The following SPON1 variants were observed in gnomAD, a reference collection of about 807,000 sequenced individuals.
The protein encoded by SPON1 is spondin 1.
Under a neutral mutation model 111.7 loss-of-function variants are expected in SPON1, and 52 were observed. The ratio of observed to expected loss-of-function variants is 0.47; its 90% CI spans 0.37 to 0.59. The LOEUF (loss-of-function observed/expected upper bound fraction) is 0.59. SPON1 is among the 20% of genes least tolerant of loss of function. The pLI is 0.00. For synonymous variants in SPON1, 410 were observed against 395.8 expected, an observed-to-expected ratio of 1.04 and a Z score of -0.43; for missense variants, 957 against 1,068.5, an observed-to-expected ratio of 0.90 and a Z score of 1.46.
chr11:13,977,760 C>T (rs1848113728), intron 1 of SPON1, among the ~76,000 whole-genome samples: 1 of 152,136 alleles, frequency 6.6e-6, no homozygotes, highest in Admixed American at 6.6e-5. Flanking sequence ...ACTCCAAGGT[C>T]ATTCGCATTT....
At chr11:14,112,008 A>G (rs1338621167) in intron 5 of SPON1, among the ~76,000 whole-genome samples, 5 of 151,960 alleles carry the variant, frequency 3.3e-5, no homozygotes, top group African/African-American at 1.2e-4. Flanking sequence ...CTTTTGTGCC[A>G]GAGACACCGA....
At chr11:14,163,187 A>G (rs1447582705) in intron 6 of SPON1, among the ~76,000 whole-genome samples, 1 of 152,212 alleles carries the variant, frequency 6.6e-6, no homozygotes, top group African/African-American at 2.4e-5. Context: ...AACACTTTAC[A>G]TGAATGTCAT....
chr11:14,145,743 T>C (rs12787708), intron 6 of SPON1, among the ~76,000 whole-genome samples: 59,364 of 152,018 alleles, frequency 0.39, 11,832 homozygotes, highest in East Asian at 0.55. Flanking sequence ...ATATTCATTA[T>C]AGTATTTTAT....
chr11:14,018,940 G>A (rs1424823522), intron 2 of SPON1, among the ~76,000 whole-genome samples: 3 of 152,174 alleles, frequency 2.0e-5, no homozygotes, highest in African/African-American at 4.8e-5. Flanking sequence ...GCCAGGCATC[G>A]CAGAATAGTT....
At chr11:14,153,632 G>T (rs1356550608) in intron 6 of SPON1, among the ~76,000 whole-genome samples, 1 of 152,040 alleles carries the variant, frequency 6.6e-6, no homozygotes, top group African/African-American at 2.4e-5. Context: ...ATATCATTCT[G>T]CCCCTGGCCC....
chr11:14,050,788 AG>A (rs1396124998), intron 3 of SPON1, among the ~76,000 whole-genome samples: 14 of 152,212 alleles, frequency 9.2e-5, no homozygotes, highest in African/African-American at 3.1e-4. Context: ...CAGTGTGCCC[AG>A]GGTAAACCGG....
At chr11:14,202,995 T>C (rs995825307) in intron 6 of SPON1, among the ~76,000 whole-genome samples, 1 of 152,098 alleles carries the variant, frequency 6.6e-6, no homozygotes, top group East Asian at 1.9e-4. Flanking sequence ...GCCAAAAAGA[T>C]AAATGCCAGA....
At chr11:14,064,735 G>A (rs1426385654) in intron 3 of SPON1, among the ~76,000 whole-genome samples, 1 of 152,108 alleles carries the variant, frequency 6.6e-6, no homozygotes, top group Non-Finnish European at 1.5e-5. Flanking sequence ...ATGAAGAGGT[G>A]ATGATCAGTC....
chr11:13,985,143 C>G (rs1488770072), intron 2 of SPON1, among the ~76,000 whole-genome samples: 2 of 152,210 alleles, frequency 1.3e-5, no homozygotes, highest in Non-Finnish European at 2.9e-5. Flanking sequence ...GAATCTGATG[C>G]ATGCTCAGAT....
At chr11:14,042,406 T>C (rs1554917382) in intron 3 of SPON1, among the ~76,000 whole-genome samples, 2 of 147,174 alleles carry the variant, frequency 1.4e-5, no homozygotes, top group Non-Finnish European at 1.5e-5. Context: ...AAAAAAAAAA[T>C]CTGTTTAATT....
intron 15 of SPON1, 69 bp from the exon 16 acceptor site, chr11:14,265,455 C>T (rs1472683028): frequency 3.6e-5 from 55 of 1,507,806 alleles, no homozygotes; most frequent in Non-Finnish European, 4.8e-5. Flanking sequence ...TTTCACAGTT[C>T]TACTAGAGTT....
intron 2 of SPON1, among the ~76,000 whole-genome samples, chr11:14,030,073 C>T (rs1848547089): frequency 6.6e-6 from 1 of 152,190 alleles, no homozygotes; most frequent in Non-Finnish European, 1.5e-5. Context: ...TTCCAGGCCT[C>T]TTAGTTGCTG....
chr11:14,022,341 G>A (rs975570043), intron 2 of SPON1, among the ~76,000 whole-genome samples: 4 of 152,192 alleles, frequency 2.6e-5, no homozygotes, highest in East Asian at 1.9e-4. Flanking sequence ...TGGAGGATTC[G>A]AATGTGCTTC....
chr11:14,070,250 GAAATTTTA>G, intron 3 of SPON1, among the ~76,000 whole-genome samples: 1 of 152,278 alleles, frequency 6.6e-6, no homozygotes, highest in East Asian at 1.9e-4. Flanking sequence ...AGATCATAGA[GAAATTTTA>G]TAAAGTATTT....
chr11:14,177,080 A>G (rs768092563), intron 6 of SPON1, among the ~76,000 whole-genome samples: 1 of 152,044 alleles, frequency 6.6e-6, no homozygotes, highest in Non-Finnish European at 1.5e-5. Context: ...TCGCTCTGTC[A>G]CCCAGGCTGG....
At chr11:14,118,151 C>T (rs1554926174) in intron 5 of SPON1, among the ~76,000 whole-genome samples, 1 of 152,178 alleles carries the variant, frequency 6.6e-6, no homozygotes. Context: ...AAGTTGTTTA[C>T]TGCTCCTGCT....
At chr11:14,081,307 A>C (rs782275333) in intron 5 of SPON1, among the ~76,000 whole-genome samples, 1 of 152,166 alleles carries the variant, frequency 6.6e-6, no homozygotes, top group Admixed American at 6.5e-5. Context: ...TTCTCAAGCC[A>C]CTCAGCGGCT....
In SPON1 at chr11:14,254,746, G is replaced by A. The variant is rs782669940; in HGVS notation, c.1092+17G>A. ...ACCTATGAGGTGTGTGTGTGTGCCT[G>A]GAGTGGTGAGTGGCTCCTTGCCTAC... On this transcript the variant is annotated intron_variant, in intron 8 of 15. Transcript: ENST00000576479. 1 of 1,611,890 alleles carries A rather than the reference G, an allele frequency of 6.2e-7. No homozygotes were observed. The highest frequency in any genetic ancestry group is 1.7e-5 in the Admixed American group (1 of 59,982).
chr11:14,136,630 T>C (rs1554928125), intron 6 of SPON1, among the ~76,000 whole-genome samples: 1 of 152,222 alleles, frequency 6.6e-6, no homozygotes, highest in African/African-American at 2.4e-5. Flanking sequence ...AAGGTCACTC[T>C]GACTCCTGCT....
Sources: gnomAD v4.1 joint callset for allele counts (sites outside exome capture counted in the v4.1 genomes callset) on GRCh38, gnomAD v4.1.1 for gene constraint, MANE v1.5 for transcripts, NCBI Gene and HGNC (gene_info 2026-07-23, HGNC 2026-07-21) for gene names.